Variants in CIAO2A observed in about 807,000 individuals in gnomAD.
The protein encoded by CIAO2A is MIP18 family protein FAM96A.
Under a neutral mutation model 22.4 loss-of-function variants are expected in CIAO2A, and 17 were observed. The observed-to-expected ratio is 0.76, with a 90% CI of 0.52 to 1.14. The LOEUF is 1.14. Among genes scored for constraint, CIAO2A ranks in the 50% most tolerant of loss-of-function variants. The pLI, the probability that CIAO2A is intolerant of heterozygous loss-of-function variation, is 0.00. For missense variants in CIAO2A, 192 were observed against 191.4 expected (o/e 1.00, Z -0.02); for synonymous variants, 74 against 72.3 (o/e 1.02, Z -0.12).
rs2080861685 is a variant in CIAO2A at position 64,093,538 on chromosome 15, A to AAAC, written c.124+106_124+107insGTT. The AAAC allele has an allele frequency of 1.1e-5, 14 of 1,307,346 alleles. No individual in the cohort carries two copies. In the African/African-American group the frequency reaches 1.3e-4, roughly 12 times the overall value. The allele number at this position is 1,307,346 out of a possible 1,614,324, so 81.0% of individuals were successfully genotyped here. ...AAAAACAAACAAACAAACAAACAAAAAAAAAGGTCTCCCCTCCCAGCCCTC... is the reference window on the plus strand; with the variant it reads ...AAAAACAAACAAACAAACAAACAAAAAACAAAAAGGTCTCCCCTCCCAGCCCTC... On this transcript the variant is annotated intron_variant, in intron 1 of 4. Coordinates refer to ENST00000300030, the MANE Select transcript of CIAO2A (RefSeq NM_032231.7).
chr15:64,093,177 T>A (rs2080856817), intron 1 of CIAO2A, among the ~76,000 whole-genome samples: 1 of 152,106 alleles, frequency 6.6e-6, no homozygotes, highest in African/African-American at 2.4e-5. Context: ...CCGGATAGAG[T>A]GGCTGTGACC....
chr15:64,075,535 C>G lies in CIAO2A; in HGVS notation c.342G>C (p.Leu114Phe). The change falls in exon 4 of 5, where the codon TTG becomes TTC. Residue 114 changes from leucine (L) to phenylalanine (F), a missense_variant and splice_region_variant. Physicochemically the swap from Leu to Phe is conservative, Grantham distance 22. Transcript: ENST00000300030. The part of the protein sequence containing the change: ...LQRCLPFKHK[L>F]EIYISEGTHS... ...GGGTTCCTTCAGAAATGTAGATTTCCAACTGGAAAGTGGGAAAAAAAGTAA... is the reference window on the plus strand; with the variant it reads ...GGGTTCCTTCAGAAATGTAGATTTCGAACTGGAAAGTGGGAAAAAAAGTAA... 6.3e-7 allele frequency: 1 copy of G among 1,577,654 alleles called. No individual in the cohort carries two copies. The highest frequency in any genetic ancestry group is 8.6e-7 in the Non-Finnish European group (1 of 1,158,560).
At chr15:64,084,265 C>T (rs1191478435) in intron 2 of CIAO2A, among the ~76,000 whole-genome samples, 1 of 152,092 alleles carries the variant, frequency 6.6e-6, no homozygotes, top group Middle Eastern at 3.2e-3. Flanking sequence ...GCCTCGGCCT[C>T]CCAAAGTGTT....
intron 3 of CIAO2A, among the ~76,000 whole-genome samples, chr15:64,076,995 T>C (rs1265414196): frequency 6.6e-6 from 1 of 152,128 alleles, no homozygotes; most frequent in Non-Finnish European, 1.5e-5. Context: ...CGTGAGCCAC[T>C]GCACCTGGCC....
At chr15:64,091,827 GA>G (rs2080841582) in intron 1 of CIAO2A, among the ~76,000 whole-genome samples, 1 of 152,042 alleles carries the variant, frequency 6.6e-6, no homozygotes, top group East Asian at 1.9e-4. Flanking sequence ...GGGAGGCCGA[GA>G]CAGGCAAATC....
chr15:64,076,380 T>G (rs2080717417), intron 3 of CIAO2A, among the ~76,000 whole-genome samples: 1 of 152,170 alleles, frequency 6.6e-6, no homozygotes, highest in Admixed American at 6.5e-5. Flanking sequence ...AAAAATGGGA[T>G]CACAATATAG....
At chr15:64,075,414 G>T in intron 4 of CIAO2A, 78 bp downstream of exon 4, 2 of 888,022 alleles carry the variant, frequency 2.3e-6, no homozygotes, top group East Asian at 2.9e-5. Flanking sequence ...GTAGATTCTT[G>T]GCTGGCAGAA....
chr15:64,084,302 C>G (rs1302253843), intron 2 of CIAO2A, among the ~76,000 whole-genome samples: 1 of 152,124 alleles, frequency 6.6e-6, no homozygotes, highest in Non-Finnish European at 1.5e-5. Flanking sequence ...GCCACCACGT[C>G]TGGCGAATAT....
In CIAO2A at chr15:64,088,748, T is replaced by C. The variant is rs764039761; in HGVS notation, c.228A>G (p.Glu76=). 2 of 1,613,956 alleles carry C rather than the reference T, an allele frequency of 1.2e-6. No homozygotes were observed. The highest frequency in any genetic ancestry group is 1.7e-5 in the Admixed American group (1 of 59,978). Residue 76 remains glutamate, a synonymous_variant, in exon 2 of 5, where the codon GAA becomes GAG. Transcript: ENST00000300030. Reference sequence around the variant, plus strand: ...GCGTGAACCTGATAATAACCAGATATTCTTCTTCATTTATCTCCTGAACTT... The same window carrying C: ...GCGTGAACCTGATAATAACCAGATACTCTTCTTCATTTATCTCCTGAACTT... The part of the protein sequence containing the change: ...CVEVQEINEE[E]YLVIIRFTPT...
At chr15:64,089,809 A>C (rs1027782387) in intron 1 of CIAO2A, among the ~76,000 whole-genome samples, 2 of 152,248 alleles carry the variant, frequency 1.3e-5, no homozygotes, top group African/African-American at 4.8e-5. Flanking sequence ...CAACACTGGC[A>C]GAACTAAAAG....
intron 2 of CIAO2A, among the ~76,000 whole-genome samples, chr15:64,087,704 T>C (rs1409760800): frequency 6.6e-6 from 1 of 152,062 alleles, no homozygotes; most frequent in Admixed American, 6.6e-5. Flanking sequence ...TTCAATCTTT[T>C]TTATAAACTT....
intron 4 of CIAO2A, chr15:64,074,650 A>G (rs2080703127): frequency 1.3e-5 from 2 of 152,188 alleles, no homozygotes; most frequent in African/African-American, 4.8e-5. Context: ...CAGTACCTAA[A>G]AAGTTTCCTG....
intron 2 of CIAO2A, among the ~76,000 whole-genome samples, chr15:64,084,669 T>C (rs1363042777): frequency 6.6e-6 from 1 of 152,078 alleles, no homozygotes; most frequent in African/African-American, 2.4e-5. Flanking sequence ...CTTGGGAGGC[T>C]GAGGCAGGAG....
chr15:64,084,981 T>C (rs1567307138), intron 2 of CIAO2A, among the ~76,000 whole-genome samples: 1 of 150,146 alleles, frequency 6.7e-6, no homozygotes, highest in African/African-American at 2.5e-5. Flanking sequence ...TAATCCTAGC[T>C]ACTCGGGAGG....
rs893562677 is a variant in CIAO2A at position 64,086,026 on chromosome 15, T to A, written c.289+2661A>T. Among the ~76,000 whole-genome samples, 12 of 151,980 alleles carry A rather than the reference T, an allele frequency of 7.9e-5. No individual in the cohort carries two copies. The Middle Eastern group carries it at 0.014, about 172-fold the overall frequency. ...CCCAGTGACATTCTTTCATAATAGC[T>A]GGTTTTTTTCTTTATGTTTTTGTGG... On this transcript the variant is annotated intron_variant, in intron 2 of 4. Coordinates refer to ENST00000300030, the MANE Select transcript of CIAO2A (RefSeq NM_032231.7).
Position 64,093,775 on chromosome 15 carries a change from G to A in CIAO2A, c.-7C>T, listed in dbSNP as rs369830558. The A allele has an allele frequency of 3.1e-6, 5 of 1,609,290 alleles. No individual in the cohort carries two copies. The South Asian group carries it at 4.4e-5, about 14-fold the overall frequency. The stretch of plus-strand genomic sequence containing the variant: ...GCCCGGACACCCGCTGCATCTTCAC[G>A]CTCAGCCATCCCTGGCGACTGTCCC... On this transcript the variant is annotated 5_prime_UTR_variant, in exon 1 of 5. Transcript: ENST00000300030.
chr15:64,092,960 T>C (rs2080853581), intron 1 of CIAO2A, among the ~76,000 whole-genome samples: 1 of 152,248 alleles, frequency 6.6e-6, no homozygotes, highest in Admixed American at 6.5e-5. Flanking sequence ...TGTTCCTTAC[T>C]GGCAGTGTGA....
At chr15:64,086,440 T>G (rs1189011753) in intron 2 of CIAO2A, among the ~76,000 whole-genome samples, 1 of 152,012 alleles carries the variant, frequency 6.6e-6, no homozygotes, top group Non-Finnish European at 1.5e-5. Flanking sequence ...ATAAATTTGC[T>G]ATAGGTTCTT....
intron 3 of CIAO2A, among the ~76,000 whole-genome samples, chr15:64,075,859 C>T (rs756192359): frequency 4.6e-5 from 7 of 151,380 alleles, no homozygotes; most frequent in African/African-American, 7.3e-5. Context: ...GATGGGGTTT[C>T]GCCATGTTGG....
Sources: allele counts gnomAD v4.1 joint callset (sites outside exome capture counted in the v4.1 genomes callset), GRCh38; gene constraint gnomAD v4.1.1; transcripts MANE v1.5; gene names NCBI Gene and HGNC (gene_info 2026-07-23, HGNC 2026-07-21).